The following ARHGAP42 variants were observed in gnomAD, a reference collection of about 807,000 sequenced individuals.
ARHGAP42 encodes Rho GTPase activating protein 42.
ARHGAP42 carries 63 observed loss-of-function variants against 125.0 expected under a neutral mutation model. That is an observed-to-expected ratio of 0.50 (90% CI 0.41 to 0.62). The LOEUF (loss-of-function observed/expected upper bound fraction) is 0.62. Ranked by LOEUF, ARHGAP42 falls within the 20% of genes least tolerant of loss-of-function variation. ARHGAP42 has a pLI of 0.00. For synonymous variants in ARHGAP42, 339 were observed against 351.0 expected (o/e 0.97, Z 0.38); for missense variants, 766 against 1,024.2 (o/e 0.75, Z 3.44).
intron 1 of ARHGAP42, among the ~76,000 whole-genome samples, chr11:100,759,279 G>C (rs994191355): frequency 6.6e-6 from 1 of 152,108 alleles, no homozygotes; most frequent in African/African-American, 2.4e-5. Flanking sequence ...TCTTAAGTCT[G>C]TGTGTTTGCT....
intron 3 of ARHGAP42, among the ~76,000 whole-genome samples, chr11:100,851,542 C>T (rs1053472299): frequency 4.6e-5 from 7 of 152,214 alleles, no homozygotes; most frequent in Non-Finnish European, 8.8e-5. Context: ...GTGTGTAATA[C>T]GTAGCACTTG....
At chr11:100,707,417 A>C (rs1344966074) in intron 1 of ARHGAP42, among the ~76,000 whole-genome samples, 1 of 152,192 alleles carries the variant, frequency 6.6e-6, no homozygotes, top group African/African-American at 2.4e-5. Flanking sequence ...ATTTTTCGTA[A>C]CAAATTCAGA....
At chr11:100,927,080 TC>T (rs1333788342) in intron 6 of ARHGAP42, among the ~76,000 whole-genome samples, 1 of 152,226 alleles carries the variant, frequency 6.6e-6, no homozygotes, top group African/African-American at 2.4e-5. Flanking sequence ...TTAAATTTTT[TC>T]GCTGAAGAAA....
chr11:100,893,018 C>T (rs367619439), intron 4 of ARHGAP42, among the ~76,000 whole-genome samples: 11 of 152,246 alleles, frequency 7.2e-5, no homozygotes, highest in Non-Finnish European at 1.3e-4. Context: ...AAGTTATTTC[C>T]TTCACCTTGG....
chr11:100,945,555 T>C (rs958291145), intron 10 of ARHGAP42, among the ~76,000 whole-genome samples: 7 of 152,120 alleles, frequency 4.6e-5, no homozygotes, highest in Non-Finnish European at 1.0e-4. Flanking sequence ...TATTCCTTGA[T>C]CCATGTGCTA....
rs180857291 is a variant in ARHGAP42, at chr11:100,736,709, G to A, written c.155-33634G>A. On this transcript the variant is annotated intron_variant, in intron 1 of 23. Transcript: ENST00000298815. ...CTGGAGGGTAAAGAGTAATTTCTCC[G>A]AAAGGATCTTGACGTGTTACTGTTA... Among the ~76,000 whole-genome samples, 15 of 152,258 alleles carry A rather than the reference G, an allele frequency of 9.9e-5. 1 individual carries two copies. Among genetic ancestry groups the A allele is most frequent in the Middle Eastern group, 6.8e-3 (2 of 294 alleles).
At chr11:100,697,625 A>C (rs2120188729) in intron 1 of ARHGAP42, among the ~76,000 whole-genome samples, 1 of 152,316 alleles carries the variant, frequency 6.6e-6, no homozygotes, top group Middle Eastern at 3.4e-3. Flanking sequence ...ACCCAGGTTC[A>C]GTTTTTCTCT....
At chr11:100,926,637 G>A (rs921317168) in intron 6 of ARHGAP42, among the ~76,000 whole-genome samples, 1 of 152,290 alleles carries the variant, frequency 6.6e-6, no homozygotes, top group Admixed American at 6.5e-5. Flanking sequence ...CTCTGCCTCA[G>A]GTTTTTATCT....
rs370615010 is a variant in ARHGAP42, at chr11:100,687,292, C to G, written c.-387C>G. On this transcript the variant is annotated 5_prime_UTR_variant, in exon 1 of 24. Transcript: ENST00000298815. The stretch of plus-strand genomic sequence containing the variant: ...GCTGTGCGCTGCTTCTGGCTCACAA[C>G]GCCGACGACTGTCAAGAGAGTTGGG... Among the ~76,000 whole-genome samples, 7 of 152,230 alleles carry G rather than the reference C, an allele frequency of 4.6e-5. No homozygotes were observed. The East Asian group carries it at 1.4e-3, about 30-fold the overall frequency.
At position 100,896,066 on chromosome 11, in the gene ARHGAP42, C is replaced by T. The variant is rs186322025; in HGVS notation, c.385-17386C>T. The stretch of plus-strand genomic sequence containing the variant: ...GTCCAAGTGTTCTCATTGTTCAGTT[C>T]CCACCTATGAGTGAGAACATGCGGT... On this transcript the variant is annotated intron_variant, in intron 4 of 23. Coordinates refer to ENST00000298815, the MANE Select transcript of ARHGAP42 (RefSeq NM_152432.4). Among the ~76,000 whole-genome samples, 1,068 of 152,214 alleles carry T rather than the reference C, an allele frequency of 7.0e-3. 13 individuals carry two copies. Among genetic ancestry groups the T allele is most frequent in the African/African-American group, 0.024 (1,016 of 41,514 alleles).
chr11:100,837,663 ATCCT>A (rs1339977771), intron 3 of ARHGAP42, among the ~76,000 whole-genome samples: 84 of 35,394 alleles, frequency 2.4e-3, no homozygotes, highest in South Asian at 4.5e-3. Flanking sequence ...TCTAGGTGTC[ATCCT>A]TTTTTTTTTT....
At chr11:100,935,636 G>A (rs923809444) in intron 7 of ARHGAP42, among the ~76,000 whole-genome samples, 11 of 148,976 alleles carry the variant, frequency 7.4e-5, no homozygotes, top group Admixed American at 6.1e-4. Context: ...TAATGTTAGA[G>A]TGTGAAAATA....
chr11:100,825,861 A>G (rs1041973079), intron 3 of ARHGAP42, among the ~76,000 whole-genome samples: 29 of 152,014 alleles, frequency 1.9e-4, no homozygotes, highest in African/African-American at 7.0e-4. Context: ...TTTTGTGTTT[A>G]TTTATTTGCT....
intron 4 of ARHGAP42, among the ~76,000 whole-genome samples, chr11:100,861,878 T>A (rs1384095829): frequency 6.6e-6 from 1 of 152,158 alleles, no homozygotes; most frequent in African/African-American, 2.4e-5. Flanking sequence ...ATTAAAATCA[T>A]GGGAGTAGAT....
chr11:100,914,469 A>G (rs1243799934), intron 5 of ARHGAP42, among the ~76,000 whole-genome samples: 2 of 150,676 alleles, frequency 1.3e-5, no homozygotes, highest in Non-Finnish European at 3.0e-5. Context: ...AAAAAAATAA[A>G]TAAATAAACA....
At chr11:100,789,230 T>C (rs1269282831) in intron 2 of ARHGAP42, among the ~76,000 whole-genome samples, 1 of 152,248 alleles carries the variant, frequency 6.6e-6, no homozygotes, top group Non-Finnish European at 1.5e-5. Flanking sequence ...ACTTATAAAA[T>C]GTAATTGCAT....
chr11:100,759,643 T>C (rs1026989933), intron 1 of ARHGAP42, among the ~76,000 whole-genome samples: 17 of 152,006 alleles, frequency 1.1e-4, no homozygotes, highest in Admixed American at 1.1e-3. Context: ...AATAATGCAA[T>C]ATTTCTCAAA....
intron 4 of ARHGAP42, among the ~76,000 whole-genome samples, chr11:100,871,752 T>TC (rs1223641762): frequency 6.6e-6 from 1 of 152,176 alleles, no homozygotes; most frequent in Non-Finnish European, 1.5e-5. Flanking sequence ...GTTCATTTGT[T>TC]CTTTTTTTTA....
At chr11:100,862,457 G>A (rs1246575322) in intron 4 of ARHGAP42, among the ~76,000 whole-genome samples, 2 of 152,186 alleles carry the variant, frequency 1.3e-5, no homozygotes, top group Admixed American at 6.5e-5. Context: ...TCTTACAGTT[G>A]CAGTGGCAGG....
Sources: allele counts gnomAD v4.1 joint callset (sites outside exome capture counted in the v4.1 genomes callset), GRCh38; gene constraint gnomAD v4.1.1; transcripts MANE v1.5; gene names NCBI Gene and HGNC (gene_info 2026-07-23, HGNC 2026-07-21).